The following TRHDE variants were observed in gnomAD, a reference collection of about 807,000 sequenced individuals.
TRHDE encodes thyrotropin releasing hormone degrading enzyme.
Under a neutral mutation model 125.7 loss-of-function variants are expected in TRHDE, and 72 were observed. That is an observed-to-expected ratio of 0.57 (90% CI 0.47 to 0.70). The LOEUF (loss-of-function observed/expected upper bound fraction) is 0.70. Among genes scored for constraint, TRHDE ranks in the 30% least tolerant of loss-of-function variants. The pLI is 0.00. For synonymous variants in TRHDE, 509 were observed against 509.1 expected (o/e 1.00, Z 0.00); for missense variants, 1,110 against 1,327.1 (o/e 0.84, Z 2.54).
intron 3 of TRHDE, among the ~76,000 whole-genome samples, chr12:72,462,243 G>T (rs959747401): frequency 2.6e-5 from 4 of 152,206 alleles, no homozygotes; most frequent in Non-Finnish European, 5.9e-5. Flanking sequence ...AGAAGTAAGA[G>T]TTAGGTCAGA....
chr12:72,538,826 G>T (rs982358285), intron 6 of TRHDE, among the ~76,000 whole-genome samples: 1 of 151,668 alleles, frequency 6.6e-6, no homozygotes, highest in African/African-American at 2.4e-5. Flanking sequence ...TTTGTTTCTG[G>T]TTACTTTACT....
chr12:72,420,940 C>T (rs1167323675), intron 3 of TRHDE, among the ~76,000 whole-genome samples: 1 of 151,772 alleles, frequency 6.6e-6, no homozygotes, highest in South Asian at 2.1e-4. Flanking sequence ...TATTGGATTC[C>T]TTTCTTACAG....
At chr12:72,198,424 C>T (rs192881100) in intron 2 of TRHDE, among the ~76,000 whole-genome samples, 118 of 152,198 alleles carry the variant, frequency 7.8e-4, no homozygotes, top group Non-Finnish European at 1.3e-3. Flanking sequence ...TTGTTCACTT[C>T]TGTAATAATT....
Position 72,667,945 on chromosome 12 carries a change from G to A in TRHDE, c.*4750G>A, listed in dbSNP as rs1007747327. On this transcript the variant is annotated 3_prime_UTR_variant, in exon 19 of 19. Transcript: ENST00000261180. ...TCTAAAATGGTTTCAGCATACTATC[G>A]GTATCTCACAATGTGTTAATTTTAA... The A allele has an allele frequency of 1.3e-5, 2 of 151,384 alleles. No individual in the cohort carries two copies. Among genetic ancestry groups the A allele is most frequent in the African/African-American group, 2.4e-5 (1 of 41,334 alleles). 9.4% of individuals were successfully genotyped at this position (151,384 alleles called of 1,614,324 possible). A position where few individuals can be genotyped will look rare whatever the true frequency, so the allele number is the denominator to read the frequency against.
intron 3 of TRHDE, among the ~76,000 whole-genome samples, chr12:72,435,464 T>C (rs1240656746): frequency 6.6e-6 from 1 of 152,144 alleles, no homozygotes; most frequent in Admixed American, 6.6e-5. Context: ...ATTGAATGAT[T>C]CTCACCTAAA....
chr12:72,608,305 A>T (rs1409268752), intron 12 of TRHDE, among the ~76,000 whole-genome samples: 3 of 152,144 alleles, frequency 2.0e-5, no homozygotes, highest in Admixed American at 6.5e-5. Context: ...GATGGAAAGT[A>T]TTTCTTTGTT....
intron 2 of TRHDE, among the ~76,000 whole-genome samples, chr12:72,304,746 A>T (rs1056936413): frequency 6.6e-6 from 1 of 152,166 alleles, no homozygotes; most frequent in Non-Finnish European, 1.5e-5. Context: ...AATTCTTTTG[A>T]TTCCCACTAT....
chr12:72,118,992 C>T (rs1196055425), intron 2 of TRHDE, among the ~76,000 whole-genome samples: 1 of 151,920 alleles, frequency 6.6e-6, no homozygotes, highest in African/African-American at 2.4e-5. Flanking sequence ...AAAAAACCAG[C>T]TTTTTGATGT....
rs189231518 is a variant in TRHDE at position 72,132,908 on chromosome 12, G to C, written n.279+27156G>C. Among the ~76,000 whole-genome samples, 97 of 152,218 alleles carry C rather than the reference G, an allele frequency of 6.4e-4. No individual in the cohort carries two copies. In the East Asian group the frequency reaches 0.017, roughly 27 times the overall value. ...GGACCTGCGACCTGGATCTTGATGA[G>C]GAGAAGTTTTCCAAGCACAGAGATA... On this transcript the variant is annotated intron_variant and non_coding_transcript_variant, in intron 2 of 4. Transcript: ENST00000548156.
intron 12 of TRHDE, among the ~76,000 whole-genome samples, chr12:72,597,705 G>A (rs1872008581): frequency 1.6e-5 from 1 of 61,984 alleles, no homozygotes; most frequent in Non-Finnish European, 2.5e-5. Flanking sequence ...ATATATGTGT[G>A]TGTGTATGTA....
At chr12:72,435,052 TTTC>T (rs750827188) in intron 3 of TRHDE, among the ~76,000 whole-genome samples, 3 of 152,208 alleles carry the variant, frequency 2.0e-5, no homozygotes, top group Non-Finnish European at 4.4e-5. Flanking sequence ...AAAGGGAAAA[TTTC>T]TTCTTCATCA....
At chr12:72,310,755 A>G (rs879846384) in intron 2 of TRHDE, among the ~76,000 whole-genome samples, 2 of 152,100 alleles carry the variant, frequency 1.3e-5, no homozygotes, top group Non-Finnish European at 2.9e-5. Context: ...TCGTGGATCT[A>G]TTTCCTTCCT....
At chr12:72,629,726 T>C (rs1873402225) in intron 15 of TRHDE, among the ~76,000 whole-genome samples, 1 of 151,712 alleles carries the variant, frequency 6.6e-6, no homozygotes, top group African/African-American at 2.4e-5. Context: ...ATAAAACTCA[T>C]TGCAATCATT....
chr12:72,297,414 G>A (rs1342975920), intron 2 of TRHDE, among the ~76,000 whole-genome samples: 1 of 152,158 alleles, frequency 6.6e-6, no homozygotes, highest in South Asian at 2.1e-4. Flanking sequence ...GCCTGTTATT[G>A]CAAAATTGGG....
intron 2 of TRHDE, among the ~76,000 whole-genome samples, chr12:72,293,104 G>T (rs1281638541): frequency 6.6e-6 from 1 of 152,096 alleles, no homozygotes; most frequent in East Asian, 1.9e-4. Flanking sequence ...CCTCAGCTGG[G>T]GCTGTCATCT....
chr12:72,437,162 C>T (rs1874784023), intron 3 of TRHDE, among the ~76,000 whole-genome samples: 1 of 151,774 alleles, frequency 6.6e-6, no homozygotes, highest in African/African-American at 2.4e-5. Flanking sequence ...TATAAAATAG[C>T]AATGATAATA....
intron 2 of TRHDE, among the ~76,000 whole-genome samples, chr12:72,232,020 T>A (rs1878256646): frequency 6.6e-6 from 1 of 152,196 alleles, no homozygotes; most frequent in South Asian, 2.1e-4. Context: ...AGGTAGGGAC[T>A]TGTTTGAAAA....
rs766770660 is a variant in TRHDE, at chr12:72,273,344, T to C, written c.701T>C (p.Val234Ala). 1.2e-6 allele frequency: 2 copies of C among 1,612,872 alleles called. No homozygotes were observed. Among genetic ancestry groups the C allele is most frequent in the Non-Finnish European group, 1.7e-6 (2 of 1,179,914 alleles). ...GTGCTGCACGCTTCCCGAGTGGCGG[T>C]GGAGAAAGTGCAGCTGGCCGAGGAC... ...YVVLHASRVAVEKVQLAEDRA... is the reference protein window; with the variant it reads ...YVVLHASRVAAEKVQLAEDRA... The change falls in exon 1 of 19, where the codon GTG becomes GCG. Residue 234 changes from valine (V) to alanine (A), a missense_variant. Around this residue, in one of 5 missense-constraint regions of TRHDE, gnomAD observed 72 missense variants for 122.2 expected, o/e 0.59. Coordinates refer to ENST00000261180, the MANE Select transcript of TRHDE (RefSeq NM_013381.3). This position sits in a 1 kb window ranked among gnomAD's most constrained non-coding sequence, Gnocchi z 5.3.
intron 7 of TRHDE, among the ~76,000 whole-genome samples, chr12:72,561,498 G>C (rs2136009765): frequency 6.6e-6 from 1 of 152,268 alleles, no homozygotes; most frequent in South Asian, 2.1e-4. Context: ...GGAGAACAAA[G>C]TGTGAATCGG....
Sources: gnomAD v4.1 joint callset for allele counts (sites outside exome capture counted in the v4.1 genomes callset) on GRCh38, gnomAD v4.1.1 for gene constraint, gnomAD v4.1.1 regional missense constraint, Gnocchi (gnomAD v3.1) non-coding constraint, MANE v1.5 for transcripts, NCBI Gene and HGNC (gene_info 2026-07-23, HGNC 2026-07-21) for gene names.